Variants in PPP2R2B observed in about 807,000 individuals in gnomAD.
The protein encoded by PPP2R2B is serine/threonine-protein phosphatase 2A 55 kDa regulatory subunit B beta isoform.
PPP2R2B carries 5 observed loss-of-function variants against 46.0 expected under a neutral mutation model. The ratio of observed to expected loss-of-function variants is 0.11; its 90% confidence interval spans 0.06 to 0.23. The LOEUF (loss-of-function observed/expected upper bound fraction) is 0.23, where lower values mean the gene tolerates loss of function less well. Among genes scored for constraint, PPP2R2B ranks in the 10% least tolerant of loss-of-function variants. The pLI is 1.00. For missense variants in PPP2R2B, 367 were observed against 575.0 expected, an observed-to-expected ratio of 0.64 and a Z score of 3.70; for synonymous variants, 215 against 206.7, an observed-to-expected ratio of 1.04 and a Z score of -0.34.
chr5:146,855,805 GC>G (rs1168763478), intron 2 of PPP2R2B, among the ~76,000 whole-genome samples: 1 of 152,070 alleles, frequency 6.6e-6, no homozygotes, highest in Non-Finnish European at 1.5e-5. Flanking sequence ...AGGCTGTAAA[GC>G]TAAAGCCTCA....
At chr5:146,630,694 G>A (rs1006575607) in intron 7 of PPP2R2B, among the ~76,000 whole-genome samples, 19 of 152,148 alleles carry the variant, frequency 1.2e-4, no homozygotes, top group African/African-American at 4.6e-4. Flanking sequence ...TGTGAATACG[G>A]CTGTTGACAT....
chr5:146,886,340 A>AAAATAAATAAATAAATAAATAAAT (rs59329730), intron 1 of PPP2R2B, among the ~76,000 whole-genome samples: 3,506 of 145,004 alleles, frequency 0.024, 64 homozygotes, highest in Middle Eastern at 0.036. Flanking sequence ...CTCCGTCTCA[A>AAAATAAATAAATAAATAAATAAAT]AAATAAATAA....
At chr5:147,041,713 C>T (rs746205732) in intron 1 of PPP2R2B, among the ~76,000 whole-genome samples, 4 of 152,056 alleles carry the variant, frequency 2.6e-5, no homozygotes, top group Non-Finnish European at 5.9e-5. Context: ...GCTGTAAGTC[C>T]CCAGATCTTC....
intron 1 of PPP2R2B, among the ~76,000 whole-genome samples, chr5:147,022,398 A>AT (rs141452925): frequency 0.026 from 3,894 of 148,790 alleles, 188 homozygotes; most frequent in African/African-American, 0.094. Flanking sequence ...CTCTGCTAAA[A>AT]TAAAAAAAAA....
rs978307124 is a variant in PPP2R2B at position 147,024,895 on chromosome 5, C to A, written c.79+30770G>T. The stretch of plus-strand genomic sequence containing the variant: ...TTAAAATCAATGATCTAAGCTTCTA[C>A]CACCATAAGAATACGGAAAAAGAAG... On this transcript the variant is annotated intron_variant, in intron 1 of 8. Coordinates refer to the PPP2R2B transcript ENST00000336640. Among the ~76,000 whole-genome samples, 3 of 151,790 alleles carry A rather than the reference C, an allele frequency of 2.0e-5. No individual in the cohort carries two copies. The East Asian group carries it at 5.8e-4, about 29-fold the overall frequency.
intron 2 of PPP2R2B, among the ~76,000 whole-genome samples, chr5:146,717,844 T>A (rs926690660): frequency 1.3e-5 from 2 of 152,076 alleles, no homozygotes; most frequent in African/African-American, 2.4e-5. Context: ...CCTAAACTAG[T>A]CCCCCGTCCT....
chr5:146,884,515 T>G (rs767271578), intron 1 of PPP2R2B, among the ~76,000 whole-genome samples: 11 of 152,210 alleles, frequency 7.2e-5, no homozygotes, highest in Non-Finnish European at 1.5e-5. Context: ...ATTGTGACCT[T>G]AGTCTTGCCC....
At chr5:147,018,041 GCGCACA>G (rs1214670004) in intron 1 of PPP2R2B, among the ~76,000 whole-genome samples, 4,404 of 16,900 alleles carry the variant, frequency 0.26, 125 homozygotes, top group African/African-American at 0.42. Flanking sequence ...ATGCATGCGC[GCGCACA>G]CACACACACA....
chr5:146,774,681 G>T (rs1208063371), intron 2 of PPP2R2B, among the ~76,000 whole-genome samples: 1 of 152,048 alleles, frequency 6.6e-6, no homozygotes, highest in Non-Finnish European at 1.5e-5. Context: ...GCTGGGCGTG[G>T]TGGTGCATGC....
chr5:146,811,706 G>A (rs1205690264), intron 2 of PPP2R2B, among the ~76,000 whole-genome samples: 5 of 147,608 alleles, frequency 3.4e-5, no homozygotes, highest in South Asian at 2.2e-4. Context: ...GACTACAGGC[G>A]CCCACCACCA....
intron 2 of PPP2R2B, among the ~76,000 whole-genome samples, chr5:146,834,985 C>T (rs1759192321): frequency 6.6e-6 from 1 of 152,022 alleles, no homozygotes; most frequent in Admixed American, 6.6e-5. Context: ...TATTATATTC[C>T]AGAGTATAAA....
chr5:146,825,947 A>T (rs1431947064), intron 2 of PPP2R2B, among the ~76,000 whole-genome samples: 1 of 152,180 alleles, frequency 6.6e-6, no homozygotes, highest in Non-Finnish European at 1.5e-5. Context: ...GAACAGGCCT[A>T]TGGGAATGAA....
chr5:146,952,554 C>A (rs966407327), intron 1 of PPP2R2B, among the ~76,000 whole-genome samples: 1 of 152,082 alleles, frequency 6.6e-6, no homozygotes, highest in Non-Finnish European at 1.5e-5. Context: ...TACATAGACA[C>A]CCTAGCTGCC....
At chr5:146,672,137 C>A (rs1777412935) in intron 5 of PPP2R2B, among the ~76,000 whole-genome samples, 4 of 152,118 alleles carry the variant, frequency 2.6e-5, no homozygotes, top group African/African-American at 9.7e-5. Flanking sequence ...CATAGGGAAG[C>A]AAAATTATTT....
chr5:147,040,112 C>T (rs1465405394), intron 1 of PPP2R2B, among the ~76,000 whole-genome samples: 2 of 152,064 alleles, frequency 1.3e-5, no homozygotes, highest in Admixed American at 6.5e-5. Flanking sequence ...TTCTTCCATG[C>T]CATAAAATCA....
At chr5:146,956,712 T>G (rs1452727607) in intron 1 of PPP2R2B, among the ~76,000 whole-genome samples, 1 of 152,120 alleles carries the variant, frequency 6.6e-6, no homozygotes, top group Non-Finnish European at 1.5e-5. Flanking sequence ...ATAGACTGAG[T>G]GCCTTAAACA....
chr5:146,797,972 C>A (rs991902666), intron 2 of PPP2R2B, among the ~76,000 whole-genome samples: 1 of 152,152 alleles, frequency 6.6e-6, no homozygotes, highest in African/African-American at 2.4e-5. Context: ...CAGGTACAGG[C>A]TGAGAAATAG....
intron 2 of PPP2R2B, among the ~76,000 whole-genome samples, chr5:146,780,225 T>A (rs527785914): frequency 3.7e-4 from 56 of 152,294 alleles, no homozygotes; most frequent in African/African-American, 1.3e-3. Flanking sequence ...ATCAGAGAAG[T>A]AGTACATGTT....
intron 6 of PPP2R2B, among the ~76,000 whole-genome samples, chr5:146,640,569 T>C (rs1775138631): frequency 6.6e-6 from 1 of 152,182 alleles, no homozygotes; most frequent in African/African-American, 2.4e-5. Flanking sequence ...GAGCAAGCCT[T>C]GATATCCCAC....
Sources: gnomAD v4.1 joint callset for allele counts (sites outside exome capture counted in the v4.1 genomes callset) on GRCh38, gnomAD v4.1.1 for gene constraint, MANE v1.5 for transcripts, NCBI Gene and HGNC (gene_info 2026-07-23, HGNC 2026-07-21) for gene names.